APBB1: variants seen among roughly 807,000 people sequenced by gnomAD.
The protein encoded by APBB1 is amyloid beta precursor protein binding family B member 1.
Under a neutral mutation model 78.4 loss-of-function variants are expected in APBB1, and 22 were observed. That is an observed-to-expected ratio of 0.28 (90% confidence interval 0.20 to 0.40). The LOEUF (loss-of-function observed/expected upper bound fraction) is 0.40, where lower values mean the gene tolerates loss of function less well. Ranked by LOEUF, APBB1 falls within the 10% of genes least tolerant of loss-of-function variation. The pLI is 1.00. For synonymous variants in APBB1, 369 were observed against 372.7 expected (o/e 0.99, Z 0.12); for missense variants, 749 against 932.4 (o/e 0.80, Z 2.56).
rs770763137 is a variant in APBB1, at chr11:6,402,102, G to A, written c.1362C>T (p.Gly454=). 18 of 1,613,910 alleles carry A rather than the reference G, an allele frequency of 1.1e-5. No individual in the cohort carries two copies. The highest frequency in any genetic ancestry group is 1.7e-5 in the Admixed American group (1 of 59,998). Residue 454 remains glycine, a synonymous_variant, in exon 8 of 15, where the codon GGC becomes GGT. Coordinates refer to ENST00000609360, the MANE Select transcript of APBB1 (RefSeq NM_001164.5). The stretch of plus-strand genomic sequence containing the variant: ...CCCACCTTCCACTGTCCCGCCCGAC[G>A]CCCCACACGCGGATGCTGATGATGG... The part of the protein sequence containing the change: ...AQPIISIRVW[G]VGRDSGRERD...
rs1290382657 is a variant in APBB1, at chr11:6,399,468, C to G, written c.1672+1521G>C. ...AGGAACTTAGGAGTCATCCTTGTCCCTCACCCACATCGAACCAATCACTGA... is the reference window on the plus strand; with the variant it reads ...AGGAACTTAGGAGTCATCCTTGTCCGTCACCCACATCGAACCAATCACTGA... On this transcript the variant is annotated intron_variant, in intron 12 of 14. Coordinates refer to ENST00000609360, the MANE Select transcript of APBB1 (RefSeq NM_001164.5). Among the ~76,000 whole-genome samples the G allele has an allele frequency of 1.3e-5, 2 of 152,338 alleles. 1 individual carries two copies. The highest frequency in any genetic ancestry group is 4.1e-4 in the South Asian group (2 of 4,828).
At chr11:6,404,026 T>C (rs1442365227) in intron 2 of APBB1, 2 of 490,896 alleles carry the variant, frequency 4.1e-6, no homozygotes, top group Non-Finnish European at 6.9e-6. Context: ...TCAGGTCTCC[T>C]CCTGGGCCCT....
chr11:6,401,091 G>C lies in APBB1; in HGVS notation c.1589-19C>G, dbSNP rs1848474081. ...AATTCCACTATGGGAAAGAAGAGAA[G>C]GTTGATCATGGTGGCAGACCTTGCT... is the stretch of plus-strand genomic sequence containing the variant. On this transcript the variant is annotated intron_variant, in intron 11 of 14. Coordinates refer to ENST00000609360, the MANE Select transcript of APBB1 (RefSeq NM_001164.5). This position sits in a 1 kb window ranked among gnomAD's most constrained non-coding sequence, Gnocchi z 4.5. The C allele has an allele frequency of 1.2e-6, 2 of 1,614,122 alleles. No homozygotes were observed. The highest frequency in any genetic ancestry group is 1.7e-6 in the Non-Finnish European group (2 of 1,180,030).
At chr11:6,406,087 T>C (rs777177483) in intron 2 of APBB1, among the ~76,000 whole-genome samples, 12 of 152,226 alleles carry the variant, frequency 7.9e-5, no homozygotes, top group Non-Finnish European at 1.2e-4. Context: ...TCTCCCCCCT[T>C]GGCCATCTGG....
chr11:6,406,679 C>T (rs1848813247), intron 2 of APBB1, among the ~76,000 whole-genome samples: 2 of 152,150 alleles, frequency 1.3e-5, no homozygotes, highest in Admixed American at 1.3e-4. Context: ...GACATGCCCC[C>T]TTGTCCTCTC....
In APBB1 at chr11:6,411,637, C is replaced by A. The variant is rs1203064940; in HGVS notation, c.-14-276G>T. 6.6e-6 allele frequency among the ~76,000 whole-genome samples: 1 copy of A among 152,116 alleles called. No homozygotes were observed. Among genetic ancestry groups the A allele is most frequent in the African/African-American group, 2.4e-5 (1 of 41,414 alleles). ...GCACAGCTGGCGCCTGCCCTCGGTC[C>A]CACCAGCAAGGCCTCCACACAATGG... On this transcript the variant is annotated intron_variant, in intron 1 of 14. Transcript: ENST00000609360. The surrounding 1 kb of genome is among the most constrained non-coding windows in gnomAD (Gnocchi z 5.2).
intron 12 of APBB1, among the ~76,000 whole-genome samples, chr11:6,398,061 G>A (rs1242442798): frequency 6.6e-6 from 1 of 152,194 alleles, no homozygotes; most frequent in Non-Finnish European, 1.5e-5. Flanking sequence ...ATGGAGCCTG[G>A]CCTCAGAGTC....
chr11:6,403,430 T>A lies in APBB1; in HGVS notation c.955-26A>T. 1 of 1,614,112 alleles carries A rather than the reference T, an allele frequency of 6.2e-7. No homozygotes were observed. The highest frequency in any genetic ancestry group is 1.1e-5 in the South Asian group (1 of 91,074). On this transcript the variant is annotated intron_variant, in intron 4 of 14. Coordinates refer to ENST00000609360, the MANE Select transcript of APBB1 (RefSeq NM_001164.5). The surrounding 1 kb of genome is among the most constrained non-coding windows in gnomAD (Gnocchi z 5.3). ...CTTGGGAAGGGGATTGAGGAATCAG[T>A]ATCAAAATGATGCCCCTCCTCCAGC... is the stretch of plus-strand genomic sequence containing the variant.
chr11:6,405,428 G>A (rs973068769), intron 2 of APBB1: 12 of 987,136 alleles, frequency 1.2e-5, no homozygotes, highest in African/African-American at 1.7e-5. Flanking sequence ...CTCGGCAACC[G>A]CAGCACCAGG....
rs1434609942 is a variant in APBB1 at position 6,401,677 on chromosome 11, T to C, written c.1400A>G (p.Tyr467Cys). Residue 467 changes from tyrosine to cysteine, a missense_variant, in exon 10 of 15, where the codon TAC (tyrosine) becomes TGC (cysteine). Physicochemically the swap from Tyr to Cys is radical, Grantham distance 194 (BLOSUM62 -2). Coordinates refer to ENST00000609360, the MANE Select transcript of APBB1 (RefSeq NM_001164.5). This position sits in a 1 kb window ranked among gnomAD's most constrained non-coding sequence, Gnocchi z 4.5. ...CTGGGTCAGCTTATCACGAGCTACG[T>C]AGGCAAAGTCCCTGTTGGGGAAGGG... is the stretch of plus-strand genomic sequence containing the variant. ...RDSGRERDFA[Y>C]VARDKLTQML... The C allele has an allele frequency of 6.2e-7, 1 of 1,614,160 alleles. No individual in the cohort carries two copies. Among genetic ancestry groups the C allele is most frequent in the East Asian group, 2.2e-5 (1 of 44,880 alleles).
intron 2 of APBB1, chr11:6,405,182 C>T: frequency 8.7e-7 from 1 of 1,144,144 alleles, no homozygotes; most frequent in Non-Finnish European, 1.1e-6. Flanking sequence ...AGACTCAGCC[C>T]CTAAGGAATA....
chr11:6,413,438 C>A lies in APBB1; in HGVS notation c.-14-2077G>T, dbSNP rs542939618. On this transcript the variant is annotated intron_variant, in intron 1 of 14. Coordinates refer to ENST00000609360, the MANE Select transcript of APBB1 (RefSeq NM_001164.5). Reference sequence around the variant, plus strand: ...TTCTTTCCCTGACTCACCACTACCCCCCTTCCCTCTGTGTTCTCAGCGCTG... The same window carrying A: ...TTCTTTCCCTGACTCACCACTACCCACCTTCCCTCTGTGTTCTCAGCGCTG... Among the ~76,000 whole-genome samples, 470 of 152,234 alleles carry A rather than the reference C, an allele frequency of 3.1e-3. 3 individuals are homozygous for A. The highest frequency in any genetic ancestry group is 0.011 in the African/African-American group (451 of 41,530).
chr11:6,400,163 T>C (rs1398939767), intron 12 of APBB1, among the ~76,000 whole-genome samples: 1 of 152,212 alleles, frequency 6.6e-6, no homozygotes, highest in East Asian at 1.9e-4. Flanking sequence ...GTCCAGGGCC[T>C]GCCACATGGT....
chr11:6,418,598 C>T (rs1273535410), intron 1 of APBB1, among the ~76,000 whole-genome samples: 1 of 152,218 alleles, frequency 6.6e-6, no homozygotes, highest in Non-Finnish European at 1.5e-5. Context: ...CAGAATGCGG[C>T]TTGACAGATC....
intron 1 of APBB1, among the ~76,000 whole-genome samples, chr11:6,413,631 C>CT (rs202207870): frequency 1.6e-3 from 229 of 146,102 alleles, no homozygotes; most frequent in Middle Eastern, 0.014. Flanking sequence ...TTTTGTAATT[C>CT]TTTTTTTTTT....
In APBB1 at chr11:6,410,829, T is replaced by G. The variant is rs772269224; in HGVS notation, c.519A>C (p.Leu173Phe). Residue 173 changes from leucine to phenylalanine, a missense_variant, in exon 2 of 15, where the codon TTA (leucine) becomes TTC (phenylalanine). Coordinates refer to ENST00000609360, the MANE Select transcript of APBB1 (RefSeq NM_001164.5). The part of the protein sequence containing the change: ...DDDDEEEEED[L>F]SSPPGLPEPL... ...GCTCAGGCAGCCCTGGGGGAGAAGA[T>G]AAGTCCTCCTCCTCCTCTTCATCAT... 9 of 1,613,830 alleles carry G rather than the reference T, an allele frequency of 5.6e-6. No homozygotes were observed. The East Asian group carries it at 2.0e-4, about 36-fold the overall frequency.
In APBB1 at chr11:6,411,699, G is replaced by A. The variant is rs1019139057; in HGVS notation, c.-14-338C>T. Among the ~76,000 whole-genome samples the A allele has an allele frequency of 2.6e-5, 4 of 152,038 alleles. No individual in the cohort carries two copies. The highest frequency in any genetic ancestry group is 2.6e-4 in the Admixed American group (4 of 15,256). ...TCCCCACCCCCCAGCTCATCCACCC[G>A]GGGCTTACTGTGCCAGGAACACCAC... is the stretch of plus-strand genomic sequence containing the variant. On this transcript the variant is annotated intron_variant, in intron 1 of 14. Transcript: ENST00000609360. This position sits in a 1 kb window ranked among gnomAD's most constrained non-coding sequence, Gnocchi z 5.2.
Position 6,410,960 on chromosome 11 carries a change from G to T in APBB1, c.388C>A (p.Arg130=). 1 of 1,614,166 alleles carries T rather than the reference G, an allele frequency of 6.2e-7. No homozygotes were observed. The highest frequency in any genetic ancestry group is 1.1e-5 in the South Asian group (1 of 91,090). ...ATCAGGCCAGGTCCTCGTAGGCCTCGGTTGGCTGCGTTGTGAGCTGAGAGC... is the reference window on the plus strand; with the variant it reads ...ATCAGGCCAGGTCCTCGTAGGCCTCTGTTGGCTGCGTTGTGAGCTGAGAGC... ...LELSAHNAAN[R]GLRGPGLIIS... is the part of the protein sequence containing the mutation. Residue 130 remains arginine (R), a synonymous_variant, in exon 2 of 15, where the codon CGA becomes AGA. Coordinates refer to ENST00000609360, the MANE Select transcript of APBB1 (RefSeq NM_001164.5).
chr11:6,406,091 C>G (rs1047647732), intron 2 of APBB1, among the ~76,000 whole-genome samples: 1 of 152,242 alleles, frequency 6.6e-6, no homozygotes, highest in Non-Finnish European at 1.5e-5. Context: ...CCCCCTTGGC[C>G]ATCTGGGAGG....
Sources: allele counts gnomAD v4.1 joint callset (sites outside exome capture counted in the v4.1 genomes callset), GRCh38; gene constraint gnomAD v4.1.1; non-coding constraint Gnocchi (gnomAD v3.1); transcripts MANE v1.5; gene names NCBI Gene and HGNC (gene_info 2026-07-23, HGNC 2026-07-21).